Variants in KLHL5 observed in about 807,000 individuals in gnomAD.
KLHL5 encodes the protein kelch-like protein 5.
A neutral mutation model predicts 77.7 loss-of-function variants in KLHL5; 48 were observed. The observed-to-expected ratio is 0.62, with a 90% CI of 0.49 to 0.79. The LOEUF (loss-of-function observed/expected upper bound fraction) is 0.79, where lower values mean the gene tolerates loss of function less well. Among genes scored for constraint, KLHL5 ranks in the 30% least tolerant of loss-of-function variants. KLHL5 has a pLI of 0.00. For synonymous variants in KLHL5, 260 were observed against 297.0 expected, an observed-to-expected ratio of 0.88 and a Z score of 1.28; for missense variants, 723 against 859.7, an observed-to-expected ratio of 0.84 and a Z score of 1.99.
intron 5 of KLHL5, among the ~76,000 whole-genome samples, 174 bp downstream of exon 5, chr4:39,086,901 A>ATTATT (rs1720090638): frequency 9.6e-6 from 1 of 103,932 alleles, no homozygotes; most frequent in Admixed American, 1.1e-4. Context: ...ATTAAGTAAC[A>ATTATT]TTCTTTTTTT....
Position 39,096,787 on chromosome 4 carries a change from G to C in KLHL5, c.1209G>C (p.Glu403Asp). 1 of 1,613,640 alleles carries C rather than the reference G, an allele frequency of 6.2e-7. No homozygotes were observed. Among genetic ancestry groups the C allele is most frequent in the Non-Finnish European group, 8.5e-7 (1 of 1,179,592 alleles). The change falls in exon 6 of 11, where the codon GAG (glutamate) becomes GAC (aspartate). Residue 403 changes from glutamate (E) to aspartate (D), a missense_variant. This residue lies in a region of KLHL5 where 288 missense variants were observed against 400.3 expected (regional missense o/e 0.72). Transcript: ENST00000504108. ...CAATGAAGTACCATTTATTACCAGA[G>C]AGACGACCCATGTTACAAAGTCCTC... is the stretch of plus-strand genomic sequence containing the variant. ...MEAMKYHLLP[E>D]RRPMLQSPRT...
intron 1 of KLHL5, among the ~76,000 whole-genome samples, chr4:39,071,664 T>C (rs1419933197): frequency 1.3e-5 from 2 of 152,232 alleles, no homozygotes; most frequent in Admixed American, 1.3e-4. Flanking sequence ...CCCCAGTTTC[T>C]AACTGGTGCA....
chr4:39,053,716 CATA>C (rs1716818560), intron 1 of KLHL5, among the ~76,000 whole-genome samples: 2 of 152,176 alleles, frequency 1.3e-5, no homozygotes, highest in South Asian at 4.1e-4. Flanking sequence ...TTTGTTATAT[CATA>C]GTAGTATCAG....
At chr4:39,091,815 C>T (rs1720588721) in intron 5 of KLHL5, among the ~76,000 whole-genome samples, 1 of 149,460 alleles carries the variant, frequency 6.7e-6, no homozygotes, top group Admixed American at 6.7e-5. Context: ...AGACTACAGT[C>T]ACTGTGCCCC....
chr4:39,105,472 T>C (rs1022056508), intron 7 of KLHL5, among the ~76,000 whole-genome samples: 11 of 152,170 alleles, frequency 7.2e-5, no homozygotes, highest in Admixed American at 6.6e-5. Flanking sequence ...AAGTCATTTT[T>C]TAATGGGTTG....
chr4:39,073,114 T>C (rs941095189), intron 1 of KLHL5, among the ~76,000 whole-genome samples: 3 of 152,210 alleles, frequency 2.0e-5, no homozygotes, highest in Non-Finnish European at 4.4e-5. Flanking sequence ...TTTTAAAATA[T>C]GGTGTTCAAA....
chr4:39,063,069 TG>T (rs1330545568), intron 1 of KLHL5, 34 bp downstream of exon 1: 1 of 1,522,784 alleles, frequency 6.6e-7, no homozygotes. Context: ...AAAAGGGGTG[TG>T]GGGGTATGGC....
intron 1 of KLHL5, among the ~76,000 whole-genome samples, chr4:39,056,525 A>G (rs115707812): frequency 6.6e-6 from 1 of 152,252 alleles, no homozygotes; most frequent in African/African-American, 2.4e-5. Context: ...ATTTCAAACT[A>G]TAAGTTTTTT....
At chr4:39,105,640 T>G (rs1721967471) in intron 7 of KLHL5, among the ~76,000 whole-genome samples, 1 of 151,060 alleles carries the variant, frequency 6.6e-6, no homozygotes, top group Non-Finnish European at 1.5e-5. Flanking sequence ...ATTTATATGT[T>G]TATATATATA....
chr4:39,052,296 A>G (rs180765282), intron 1 of KLHL5, among the ~76,000 whole-genome samples: 1 of 151,486 alleles, frequency 6.6e-6, no homozygotes, highest in Admixed American at 6.6e-5. Flanking sequence ...AATTTTTTGT[A>G]TTTTTACTAG....
chr4:39,110,429 T>A (rs28668863), intron 8 of KLHL5, among the ~76,000 whole-genome samples: 1,874 of 152,264 alleles, frequency 0.012, 49 homozygotes, highest in African/African-American at 0.042. Context: ...TTTTTCTAAG[T>A]TGAATCTCAA....
At chr4:39,076,882 T>C (rs10020409) in intron 2 of KLHL5, among the ~76,000 whole-genome samples, 1 of 150,274 alleles carries the variant, frequency 6.7e-6, no homozygotes. Context: ...TCATGACCAA[T>C]AACCCAAAAG....
rs1032412641 is a variant in KLHL5, at chr4:39,125,132, T to C, written c.*4066T>C. Among the ~76,000 whole-genome samples, 46 of 151,062 alleles carry C rather than the reference T, an allele frequency of 3.0e-4. No homozygotes were observed. The highest frequency in any genetic ancestry group is 2.5e-4 in the Non-Finnish European group (17 of 67,770). ...AGATACCACTTCACACCTATTAGAA[T>C]GACGAAATAGACCTAGGATCTAAAC... On this transcript the variant is annotated 3_prime_UTR_variant, in exon 11 of 11. Transcript: ENST00000504108.
At chr4:39,079,928 G>A (rs1719452133) in intron 2 of KLHL5, among the ~76,000 whole-genome samples, 1 of 152,106 alleles carries the variant, frequency 6.6e-6, no homozygotes, top group Admixed American at 6.6e-5. Context: ...AATGAAAATT[G>A]AAACAACAAT....
At position 39,103,390 on chromosome 4, in the gene KLHL5, C is replaced by T. The variant is rs768582921; in HGVS notation, c.1404C>T (p.Asp468=). The change falls in exon 7 of 11, where the codon GAC becomes GAT. Residue 468 remains aspartate, a synonymous_variant. Coordinates refer to ENST00000504108, the MANE Select transcript of KLHL5 (RefSeq NM_015990.5). ...AGTTCGGTGTTGCAGTGCTAGATGA[C>T]AAACTGTATGTGGTTGGAGGAAGAG... ...RLQFGVAVLD[D]KLYVVGGRDG... 1.2e-6 allele frequency: 2 copies of T among 1,614,086 alleles called. No homozygotes were observed. The highest frequency in any genetic ancestry group is 1.7e-6 in the Non-Finnish European group (2 of 1,179,990).
chr4:39,064,272 T>A (rs1023312867), intron 1 of KLHL5, among the ~76,000 whole-genome samples: 3 of 116,260 alleles, frequency 2.6e-5, no homozygotes, highest in African/African-American at 5.3e-5. Context: ...GTATTTAATT[T>A]AAATTTTTTT....
At chr4:39,049,409 T>G (rs1397569837) in intron 1 of KLHL5, among the ~76,000 whole-genome samples, 3 of 152,172 alleles carry the variant, frequency 2.0e-5, no homozygotes, top group Admixed American at 6.5e-5. Flanking sequence ...AGGGGCCAGG[T>G]GTAGTGGCTC....
Position 39,096,705 on chromosome 4 carries a change from T to A in KLHL5, c.1127T>A (p.Met376Lys). Residue 376 changes from methionine to lysine, a missense_variant, in exon 6 of 11, where the codon ATG (methionine) becomes AAG (lysine). Transcript: ENST00000504108. ...ATTCTTTTCTAGTTCCTGGCAGACA[T>A]GGAAAATAATGTACTTTTTCGGGAT... ...PLLAPQFLADMENNVLFRDDI... is the reference protein window; with the variant it reads ...PLLAPQFLADKENNVLFRDDI... The A allele has an allele frequency of 6.2e-7, 1 of 1,611,378 alleles. No individual in the cohort carries two copies. Among genetic ancestry groups the A allele is most frequent in the Non-Finnish European group, 8.5e-7 (1 of 1,177,676 alleles).
At chr4:39,114,498 A>G (rs1294504462) in intron 9 of KLHL5, among the ~76,000 whole-genome samples, 1 of 152,248 alleles carries the variant, frequency 6.6e-6, no homozygotes, top group Non-Finnish European at 1.5e-5. Context: ...ACCACATCCA[A>G]ACCATAACAA....
Sources: gnomAD v4.1 joint callset for allele counts (sites outside exome capture counted in the v4.1 genomes callset) on GRCh38, gnomAD v4.1.1 for gene constraint, gnomAD v4.1.1 regional missense constraint, MANE v1.5 for transcripts, NCBI Gene and HGNC (gene_info 2026-07-23, HGNC 2026-07-21) for gene names.